ABTB3: variants seen among roughly 807,000 people sequenced by gnomAD.
ABTB3 encodes the protein ankyrin repeat- and BTB/POZ domain-containing protein 3.
At chr12:107,548,329 A>G in the ABTB3 span, among the ~76,000 whole-genome samples, 1 of 152,118 alleles carries the variant, frequency 6.6e-6, no homozygotes, top group African/African-American at 2.4e-5. Context: ...GCTGAATATT[A>G]TTTGTTTTCA....
chr12:107,375,092 TA>T, the ABTB3 span, among the ~76,000 whole-genome samples: 2 of 152,062 alleles, frequency 1.3e-5, no homozygotes, highest in Admixed American at 6.6e-5. Flanking sequence ...ATGGAAACAC[TA>T]AGGTGTTAAG....
chr12:107,634,620 A>T, the ABTB3 span, among the ~76,000 whole-genome samples: 6 of 152,182 alleles, frequency 3.9e-5, no homozygotes, highest in Admixed American at 3.9e-4. Flanking sequence ...AATGAACGGA[A>T]ATGGCTGCAA....
At chr12:107,431,727 C>T in the ABTB3 span, among the ~76,000 whole-genome samples, 5 of 152,208 alleles carry the variant, frequency 3.3e-5, no homozygotes, top group Admixed American at 3.3e-4. Flanking sequence ...CAAATACATC[C>T]CTAGCATAGG....
At chr12:107,586,786 T>G in the ABTB3 span, among the ~76,000 whole-genome samples, 1 of 152,106 alleles carries the variant, frequency 6.6e-6, no homozygotes, top group South Asian at 2.1e-4. Context: ...TTGCCTGCTC[T>G]GTGCTTGGTT....
the ABTB3 span, among the ~76,000 whole-genome samples, chr12:107,534,414 C>T: frequency 6.6e-6 from 1 of 151,446 alleles, no homozygotes; most frequent in African/African-American, 2.4e-5. Context: ...AGAAAGCAAA[C>T]CCAAAATTAG....
the ABTB3 span, among the ~76,000 whole-genome samples, chr12:107,467,707 C>G: frequency 1.3e-5 from 2 of 152,182 alleles, no homozygotes; most frequent in Non-Finnish European, 2.9e-5. Context: ...GAGAAACCAG[C>G]TTCTTGAAGC....
the ABTB3 span, among the ~76,000 whole-genome samples, chr12:107,623,658 C>T: frequency 6.6e-6 from 1 of 152,180 alleles, no homozygotes; most frequent in African/African-American, 2.4e-5. Context: ...TGAGCCACCA[C>T]ATCCGGCCTC....
the ABTB3 span, among the ~76,000 whole-genome samples, chr12:107,439,457 G>C: frequency 1.3e-5 from 2 of 152,166 alleles, no homozygotes; most frequent in African/African-American, 2.4e-5. Context: ...CCCTTATAGT[G>C]AGCCTGTGTG....
chr12:107,448,645 C>CTTTCT, the ABTB3 span, among the ~76,000 whole-genome samples: 76 of 134,074 alleles, frequency 5.7e-4, no homozygotes, highest in African/African-American at 2.5e-3. Context: ...TTCTTTCTTT[C>CTTTCT]TTTTTTTTTT....
At chr12:107,537,514 T>C in the ABTB3 span, among the ~76,000 whole-genome samples, 14,943 of 152,120 alleles carry the variant, frequency 0.098, 809 homozygotes, top group Middle Eastern at 0.12. Context: ...AATTCTTATG[T>C]GTCAACTGAA....
chr12:107,388,054 C>A, the ABTB3 span, among the ~76,000 whole-genome samples: 1 of 149,306 alleles, frequency 6.7e-6, no homozygotes, highest in Non-Finnish European at 1.5e-5. Context: ...CTCACTGCAA[C>A]CTCTGCCTCT....
chr12:107,525,004 GA>G, the ABTB3 span, among the ~76,000 whole-genome samples: 1 of 152,188 alleles, frequency 6.6e-6, no homozygotes, highest in Admixed American at 6.5e-5. Flanking sequence ...GTCAATGACA[GA>G]CTACATATAT....
At chr12:107,322,485 C>T in the ABTB3 span, among the ~76,000 whole-genome samples, 11 of 152,258 alleles carry the variant, frequency 7.2e-5, no homozygotes, top group South Asian at 2.1e-4. Flanking sequence ...CTATTTTGTA[C>T]GGAGTCTTTC....
the ABTB3 span, among the ~76,000 whole-genome samples, chr12:107,651,067 C>T: frequency 6.6e-6 from 1 of 151,558 alleles, no homozygotes; most frequent in South Asian, 2.1e-4. Flanking sequence ...TCTTTCCCCT[C>T]CCAAAAGCCT....
the ABTB3 span, among the ~76,000 whole-genome samples, chr12:107,428,805 G>GTCTGC: frequency 1.3e-5 from 2 of 152,236 alleles, no homozygotes; most frequent in African/African-American, 4.8e-5. Context: ...TTTATTGAGC[G>GTCTGC]TCTGCTCGGT....
At chr12:107,634,056 T>C in the ABTB3 span, among the ~76,000 whole-genome samples, 1 of 152,232 alleles carries the variant, frequency 6.6e-6, no homozygotes, top group Non-Finnish European at 1.5e-5. Flanking sequence ...GTTGAGTCTC[T>C]TTGTCCTTCA....
the ABTB3 span, among the ~76,000 whole-genome samples, chr12:107,452,351 C>A: frequency 6.6e-6 from 1 of 151,936 alleles, no homozygotes; most frequent in East Asian, 1.9e-4. Flanking sequence ...GGGACACAGG[C>A]GCCCACCACC....
chr12:107,418,397 C>T, the ABTB3 span, among the ~76,000 whole-genome samples: 1 of 152,154 alleles, frequency 6.6e-6, no homozygotes, highest in Admixed American at 6.5e-5. Flanking sequence ...TTAATAAACT[C>T]CCCTTTATAT....
At chr12:107,335,304 A>AAAAAAAAAAAAAAC in the ABTB3 span, among the ~76,000 whole-genome samples, 1 of 143,086 alleles carries the variant, frequency 7.0e-6, no homozygotes, top group Non-Finnish European at 1.5e-5. Flanking sequence ...AAAAAAAAAA[A>AAAAAAAAAAAAAAC]AAAAAAAAAA....
Sources: allele counts gnomAD v4.1 joint callset (sites outside exome capture counted in the v4.1 genomes callset), GRCh38; gene constraint gnomAD v4.1.1; transcripts MANE v1.5; gene names NCBI Gene and HGNC (gene_info 2026-07-23, HGNC 2026-07-21).